NUAK1: variants seen among roughly 807,000 people sequenced by gnomAD.
NUAK1 encodes NUAK family kinase 1.
In NUAK1, 26 loss-of-function variants were observed where a neutral mutation model predicts 56.9. The ratio of observed to expected loss-of-function variants is 0.46; its 90% CI spans 0.33 to 0.63. The LOEUF (loss-of-function observed/expected upper bound fraction) is 0.63. Ranked by LOEUF, NUAK1 falls within the 30% of genes least tolerant of loss-of-function variation. NUAK1 has a pLI of 0.02. For missense variants in NUAK1, 727 were observed against 876.1 expected, an observed-to-expected ratio of 0.83 and a Z score of 2.15; for synonymous variants, 337 against 336.0, an observed-to-expected ratio of 1.00 and a Z score of -0.03.
intron 2 of NUAK1, among the ~76,000 whole-genome samples, chr12:106,097,835 C>G (rs1296549427): frequency 6.6e-6 from 1 of 152,166 alleles, no homozygotes; most frequent in Non-Finnish European, 1.5e-5. Context: ...TTCAGCAGGT[C>G]TGGGGCTACC....
At chr12:106,089,519 C>A (rs928717160) in intron 2 of NUAK1, among the ~76,000 whole-genome samples, 1 of 152,208 alleles carries the variant, frequency 6.6e-6, no homozygotes, top group Non-Finnish European at 1.5e-5. Flanking sequence ...TGGCCAGGTA[C>A]GGTGGCTCAC....
chr12:106,075,468 C>T (rs1013686050), intron 4 of NUAK1, among the ~76,000 whole-genome samples: 5 of 152,108 alleles, frequency 3.3e-5, no homozygotes, highest in Middle Eastern at 3.2e-3. Context: ...TCAGTTTTCT[C>T]GTCTGTAAAA....
At chr12:106,097,874 T>G (rs776121767) in intron 2 of NUAK1, among the ~76,000 whole-genome samples, 1 of 152,174 alleles carries the variant, frequency 6.6e-6, no homozygotes, top group Admixed American at 6.5e-5. Context: ...AAATGCATTA[T>G]TAAGCAGTTT....
intron 4 of NUAK1, among the ~76,000 whole-genome samples, chr12:106,081,954 T>C (rs1455609085): frequency 2.0e-5 from 3 of 152,110 alleles, no homozygotes; most frequent in African/African-American, 7.2e-5. Flanking sequence ...GACCAATTTT[T>C]CAGCCATGGC....
intron 1 of NUAK1, among the ~76,000 whole-genome samples, chr12:106,115,509 CG>C (rs2032907376): frequency 6.6e-6 from 1 of 152,186 alleles, no homozygotes; most frequent in Non-Finnish European, 1.5e-5. Context: ...CAGGAGCCCC[CG>C]AGGCCTCTCT....
At chr12:106,124,719 C>T (rs1449318021) in intron 1 of NUAK1, among the ~76,000 whole-genome samples, 1 of 152,118 alleles carries the variant, frequency 6.6e-6, no homozygotes, top group Non-Finnish European at 1.5e-5. Context: ...CAATAAATAT[C>T]TGTTAAATGG....
At chr12:106,133,375 A>G (rs902579168) in intron 1 of NUAK1, among the ~76,000 whole-genome samples, 5 of 152,122 alleles carry the variant, frequency 3.3e-5, no homozygotes, top group African/African-American at 1.2e-4. Flanking sequence ...GTGGGCGATC[A>G]CCCCATGGCT....
chr12:106,114,776 C>CA (rs909801255), intron 1 of NUAK1, among the ~76,000 whole-genome samples: 10 of 151,956 alleles, frequency 6.6e-5, no homozygotes, highest in Non-Finnish European at 1.0e-4. Context: ...GAAACTGCCA[C>CA]AAAAAAAATT....
chr12:106,084,890 C>G (rs906717387), intron 3 of NUAK1, among the ~76,000 whole-genome samples: 2 of 152,228 alleles, frequency 1.3e-5, no homozygotes, highest in African/African-American at 4.8e-5. Context: ...GCAATCGAAG[C>G]TGCTCTTTTG....
chr12:106,101,273 A>C (rs1326597149), intron 2 of NUAK1, among the ~76,000 whole-genome samples: 1 of 152,240 alleles, frequency 6.6e-6, no homozygotes, highest in African/African-American at 2.4e-5. Flanking sequence ...ACAGAGCAAG[A>C]AAACAAAGGG....
chr12:106,109,867 A>T (rs10861556), intron 1 of NUAK1, among the ~76,000 whole-genome samples: 2 of 151,990 alleles, frequency 1.3e-5, no homozygotes, highest in Non-Finnish European at 2.9e-5. Flanking sequence ...AATAAGTGTC[A>T]GTCTTTTTTA....
intron 4 of NUAK1, among the ~76,000 whole-genome samples, 161 bp from the exon 5 acceptor site, chr12:106,073,004 G>C (rs1174398588): frequency 1.3e-5 from 2 of 152,104 alleles, no homozygotes; most frequent in Non-Finnish European, 2.9e-5. Context: ...CTTCATAAAG[G>C]ACCACTCAGC....
chr12:106,066,801 G>T lies in NUAK1; in HGVS notation c.*1C>A. 1 of 1,603,468 alleles carries T rather than the reference G, an allele frequency of 6.2e-7. No individual in the cohort carries two copies. On this transcript the variant is annotated 3_prime_UTR_variant, in exon 7 of 7. Coordinates refer to ENST00000261402, the MANE Select transcript of NUAK1 (RefSeq NM_014840.3). ...CGCCCGCCCCTGGGCGCCCTGGAATGCTAGTTGAGCTTGCTGCAGATCTCC... is the reference window on the plus strand; with the variant it reads ...CGCCCGCCCCTGGGCGCCCTGGAATTCTAGTTGAGCTTGCTGCAGATCTCC...
At chr12:106,115,697 A>T (rs2032909779) in intron 1 of NUAK1, among the ~76,000 whole-genome samples, 1 of 152,212 alleles carries the variant, frequency 6.6e-6, no homozygotes, top group Non-Finnish European at 1.5e-5. Flanking sequence ...TGCTCATTGC[A>T]AATGCACAGC....
chr12:106,084,121 C>G (rs549676137), intron 3 of NUAK1, 192 bp from the exon 4 acceptor site: 2 of 589,528 alleles, frequency 3.4e-6, no homozygotes, highest in East Asian at 2.8e-5. Context: ...GACCAACCAG[C>G]GACAGGAGAG....
intron 4 of NUAK1, among the ~76,000 whole-genome samples, chr12:106,073,479 T>C (rs2032427671): frequency 6.6e-6 from 1 of 152,182 alleles, no homozygotes; most frequent in Non-Finnish European, 1.5e-5. Context: ...ACCTTGAGCC[T>C]CAGTTTACCC....
At chr12:106,134,528 C>G (rs958040218) in intron 1 of NUAK1, among the ~76,000 whole-genome samples, 1 of 152,342 alleles carries the variant, frequency 6.6e-6, no homozygotes, top group East Asian at 1.9e-4. Context: ...AGACTCCCCC[C>G]CAGGGACCCT....
At chr12:106,072,958 G>A in intron 4 of NUAK1, 115 bp from the exon 5 acceptor site, 7 of 1,216,720 alleles carry the variant, frequency 5.8e-6, no homozygotes, top group Non-Finnish European at 8.1e-6. Flanking sequence ...GGGTGGGTCT[G>A]CTGGCTGGAT....
intron 2 of NUAK1, among the ~76,000 whole-genome samples, chr12:106,100,946 A>C (rs915228790): frequency 6.6e-6 from 1 of 152,252 alleles, no homozygotes; most frequent in African/African-American, 2.4e-5. Context: ...GTATCCAAAT[A>C]GCCACTTTGG....
Sources: allele counts gnomAD v4.1 joint callset (sites outside exome capture counted in the v4.1 genomes callset), GRCh38; gene constraint gnomAD v4.1.1; transcripts MANE v1.5; gene names NCBI Gene and HGNC (gene_info 2026-07-23, HGNC 2026-07-21).